The following SH3BP5L variants were observed in gnomAD, a reference collection of about 807,000 sequenced individuals.
The protein encoded by SH3BP5L is SH3 domain-binding protein 5-like.
In SH3BP5L, 16 loss-of-function variants were observed where a neutral mutation model predicts 40.9. The observed-to-expected ratio is 0.39, with a 90% confidence interval of 0.27 to 0.59. The LOEUF (loss-of-function observed/expected upper bound fraction) is 0.59. Ranked by LOEUF, SH3BP5L falls within the 20% of genes least tolerant of loss-of-function variation. The probability of loss-of-function intolerance (pLI) is 0.53; values close to 1 mark genes in which losing one functional copy is unlikely to be tolerated. For missense variants in SH3BP5L, 471 were observed against 544.6 expected (o/e 0.86, Z 1.35); for synonymous variants, 229 against 226.7 (o/e 1.01, Z -0.09).
At position 248,824,973 on chromosome 1, in the gene SH3BP5L, G is replaced by A. The variant is rs762123759; in HGVS notation, c.-38C>T. On this transcript the variant is annotated 5_prime_UTR_variant, in exon 2 of 7. Transcript: ENST00000366472. ...AGGGCAGAGCCCTATGCACAAGAGA[G>A]GACTGACATGCTGGGACCAGGGCCC... 2 of 1,574,420 alleles carry A rather than the reference G, an allele frequency of 1.3e-6. No individual in the cohort carries two copies. Among genetic ancestry groups the A allele is most frequent in the Admixed American group, 3.8e-5 (2 of 53,068 alleles).
rs1016538786 is a variant in SH3BP5L at position 248,821,841 on chromosome 1, C to T, written c.183+2912G>A. On this transcript the variant is annotated intron_variant, in intron 2 of 6. Coordinates refer to ENST00000366472, the MANE Select transcript of SH3BP5L (RefSeq NM_030645.3). The surrounding 1 kb of genome is among the most constrained non-coding windows in gnomAD (Gnocchi z 4.6). ...TTCCTTCTAACTTCCAGAGGAATCCCACCATAAATGGCCATGGAGCTGCCT... is the reference window on the plus strand; with the variant it reads ...TTCCTTCTAACTTCCAGAGGAATCCTACCATAAATGGCCATGGAGCTGCCT... Among the ~76,000 whole-genome samples, 5 of 152,168 alleles carry T rather than the reference C, an allele frequency of 3.3e-5. No homozygotes were observed. Among genetic ancestry groups the T allele is most frequent in the African/African-American group, 1.2e-4 (5 of 41,434 alleles).
intron 5 of SH3BP5L, chr1:248,813,498 C>T: frequency 3.5e-6 from 1 of 283,096 alleles, no homozygotes. Flanking sequence ...GATGCTGGTG[C>T]CCACTCAACC....
At position 248,817,128 on chromosome 1, in the gene SH3BP5L, T is replaced by G. The variant is rs1664131562; in HGVS notation, c.184-244A>C. On this transcript the variant is annotated intron_variant, in intron 2 of 6. Transcript: ENST00000366472. ...TGTATTGGGTAGTAAAACCCCAGTTTCAAGGATGAAGAAATTGAGGTTTGG... is the reference window on the plus strand; with the variant it reads ...TGTATTGGGTAGTAAAACCCCAGTTGCAAGGATGAAGAAATTGAGGTTTGG... The G allele has an allele frequency of 1.0e-5, 13 of 1,306,304 alleles. No individual in the cohort carries two copies. In the Admixed American group the frequency reaches 1.4e-4, roughly 14 times the overall value. 80.9% of individuals were successfully genotyped at this position (1,306,304 alleles called of 1,614,324 possible).
In SH3BP5L at chr1:248,812,353, C is replaced by T. The variant is rs1558225945; in HGVS notation, c.729G>A (p.Val243=). ...GAGCTACCTGCTGCTCCAGTTCTGT[C>T]ACCTTGGCCTTGTGCTCCTGCAGAG... is the stretch of plus-strand genomic sequence containing the variant. ...SQILEEHKAK[V]TELEQQVAQA... is the part of the protein sequence containing the mutation. Residue 243 remains valine (V), a synonymous_variant, in exon 7 of 7, where the codon GTG becomes GTA. Transcript: ENST00000366472. The surrounding 1 kb of genome is among the most constrained non-coding windows in gnomAD (Gnocchi z 6.1). 8 of 1,605,580 alleles carry T rather than the reference C, an allele frequency of 5.0e-6. No homozygotes were observed. Among genetic ancestry groups the T allele is most frequent in the Admixed American group, 3.3e-5 (2 of 60,004 alleles).
At position 248,812,488 on chromosome 1, in the gene SH3BP5L, T is replaced by C. The variant is rs1329534585; in HGVS notation, c.712-118A>G. 1 of 763,310 alleles carries C rather than the reference T, an allele frequency of 1.3e-6. No individual in the cohort carries two copies. Among genetic ancestry groups the C allele is most frequent in the South Asian group, 1.7e-5 (1 of 59,856 alleles). The allele number at this position is 763,310 out of a possible 1,614,324, so 47.3% of individuals were successfully genotyped here. A position where few individuals can be genotyped will look rare whatever the true frequency, so the allele number is the denominator to read the frequency against. Reference sequence around the variant, plus strand: ...GAATACCTGGACAGCTGGCTCAGCATCCACCACAGACCCACAACAGCCTTC... The same window carrying C: ...GAATACCTGGACAGCTGGCTCAGCACCCACCACAGACCCACAACAGCCTTC... On this transcript the variant is annotated intron_variant, in intron 6 of 6. Coordinates refer to ENST00000366472, the MANE Select transcript of SH3BP5L (RefSeq NM_030645.3). The surrounding 1 kb of genome is among the most constrained non-coding windows in gnomAD (Gnocchi z 6.1).
chr1:248,817,179 G>T, intron 2 of SH3BP5L: 1 of 661,938 alleles, frequency 1.5e-6, no homozygotes, highest in Non-Finnish European at 2.5e-6. Flanking sequence ...TATGCACAAC[G>T]TGAAGTTGTG....
Position 248,816,815 on chromosome 1 carries a change from C to T in SH3BP5L, c.246+7G>A, listed in dbSNP as rs1228501889. 2 of 1,614,100 alleles carry T rather than the reference C, an allele frequency of 1.2e-6. No individual in the cohort carries two copies. The highest frequency in any genetic ancestry group is 8.5e-7 in the Non-Finnish European group (1 of 1,179,964). ...CAGCCCAAGCACATAAGGAAAAGGA[C>T]ACTCACATCCAGCTGTAGTTCCACC... is the stretch of plus-strand genomic sequence containing the variant. On this transcript the variant is annotated splice_region_variant and intron_variant, in intron 3 of 6. Coordinates refer to ENST00000366472, the MANE Select transcript of SH3BP5L (RefSeq NM_030645.3).
In SH3BP5L at chr1:248,812,495, C is replaced by T. The variant is rs956797134; in HGVS notation, c.712-125G>A. 7.0e-6 allele frequency: 5 copies of T among 716,002 alleles called. No individual in the cohort carries two copies. In the African/African-American group the frequency reaches 7.1e-5, roughly 10 times the overall value. The allele number at this position is 716,002 out of a possible 1,614,324, so 44.4% of individuals were successfully genotyped here. A position where few individuals can be genotyped will look rare whatever the true frequency, so the allele number is the denominator to read the frequency against. On this transcript the variant is annotated intron_variant, in intron 6 of 6. Coordinates refer to ENST00000366472, the MANE Select transcript of SH3BP5L (RefSeq NM_030645.3). This position sits in a 1 kb window ranked among gnomAD's most constrained non-coding sequence, Gnocchi z 6.1. ...TGGACAGCTGGCTCAGCATCCACCA[C>T]AGACCCACAACAGCCTTCCCTGCTC...
chr1:248,811,660 C>T lies in SH3BP5L; in HGVS notation c.*240G>A, dbSNP rs1407997257. 8.0e-6 allele frequency: 4 copies of T among 499,634 alleles called. No individual in the cohort carries two copies. The Admixed American group carries it at 1.1e-4, about 14-fold the overall frequency. The allele number at this position is 499,634 out of a possible 1,614,324, so 31.0% of individuals were successfully genotyped here. A position where few individuals can be genotyped will look rare whatever the true frequency, so the allele number is the denominator to read the frequency against. ...AGCTGGCAGGCAGAGGCAGACAGAG[C>T]GCCGAGGGCGAGCCTTCTGAATGGG... is the stretch of plus-strand genomic sequence containing the variant. On this transcript the variant is annotated 3_prime_UTR_variant, in exon 7 of 7. Coordinates refer to ENST00000366472, the MANE Select transcript of SH3BP5L (RefSeq NM_030645.3).
Position 248,825,879 on chromosome 1 carries a change from T to A in SH3BP5L, c.-476A>T. 1 of 956,822 alleles carries A rather than the reference T, an allele frequency of 1.0e-6. No homozygotes were observed. Among genetic ancestry groups the A allele is most frequent in the Non-Finnish European group, 1.2e-6 (1 of 822,230 alleles). The allele number at this position is 956,822 out of a possible 1,614,324, so 59.3% of individuals were successfully genotyped here. A position where few individuals can be genotyped will look rare whatever the true frequency, so the allele number is the denominator to read the frequency against. ...CGCGGAGCTTCTATGCTGCAAACAA[T>A]CTCCCCCCCTCCCTCCCCGCAACAA... On this transcript the variant is annotated 5_prime_UTR_variant, in exon 1 of 7. Transcript: ENST00000366472.
intron 2 of SH3BP5L, among the ~76,000 whole-genome samples, chr1:248,819,140 A>G (rs1377524737): frequency 6.6e-6 from 1 of 152,216 alleles, no homozygotes. Context: ...TCAGCAGGTA[A>G]GAATACAGGA....
rs759987863 is a variant in SH3BP5L at position 248,814,733 on chromosome 1, C to T, written c.376-123G>A. On this transcript the variant is annotated intron_variant, in intron 4 of 6. Coordinates refer to ENST00000366472, the MANE Select transcript of SH3BP5L (RefSeq NM_030645.3). Reference sequence around the variant, plus strand: ...TACTAGCAATGTCGGCTTCATTTCCCAAACTGTGCTGAGGATAAATGCCAA... The same window carrying T: ...TACTAGCAATGTCGGCTTCATTTCCTAAACTGTGCTGAGGATAAATGCCAA... The T allele has an allele frequency of 1.4e-5, 13 of 917,482 alleles. No homozygotes were observed. In the Admixed American group the frequency reaches 2.1e-4, roughly 15 times the overall value. The allele number at this position is 917,482 out of a possible 1,614,324, so 56.8% of individuals were successfully genotyped here. A position where few individuals can be genotyped will look rare whatever the true frequency, so the allele number is the denominator to read the frequency against.
Position 248,812,170 on chromosome 1 carries a change from T to C in SH3BP5L, c.912A>G (p.Gly304=), listed in dbSNP as rs1269284462. ...AEAGPEDMED[G]DSGIEGAEGA... ...CCTCGGCCCCCTCAATCCCGCTGTC[T>C]CCGTCCTCCATGTCCTCGGGTCCTG... Residue 304 remains glycine, a synonymous_variant, in exon 7 of 7, where the codon GGA becomes GGG. Transcript: ENST00000366472. This position sits in a 1 kb window ranked among gnomAD's most constrained non-coding sequence, Gnocchi z 6.1. 6.3e-7 allele frequency: 1 copy of C among 1,598,068 alleles called. No homozygotes were observed. The highest frequency in any genetic ancestry group is 1.7e-5 in the Admixed American group (1 of 58,984).
rs1188330033 is a variant in SH3BP5L at position 248,814,614 on chromosome 1, G to T, written c.376-4C>A. Reference sequence around the variant, plus strand: ...CCTTCTGTGTCTCCTGCTGAGCCTGGGGGGAGAGGGATATCAGGATGGGGA... The same window carrying T: ...CCTTCTGTGTCTCCTGCTGAGCCTGTGGGGAGAGGGATATCAGGATGGGGA... On this transcript the variant is annotated splice_region_variant and splice_polypyrimidine_tract_variant and intron_variant, in intron 4 of 6. Transcript: ENST00000366472. 1 of 1,614,046 alleles carries T rather than the reference G, an allele frequency of 6.2e-7. No individual in the cohort carries two copies. Among genetic ancestry groups the T allele is most frequent in the Non-Finnish European group, 8.5e-7 (1 of 1,180,030 alleles).
rs376448763 is a variant in SH3BP5L at position 248,821,301 on chromosome 1, T to G, written c.183+3452A>C. ...GGGGAGGACAAAGTCTGAATCAACG[T>G]GCATCATCCATCAGTGAGCCAGCAG... On this transcript the variant is annotated intron_variant, in intron 2 of 6. Transcript: ENST00000366472. The surrounding 1 kb of genome is among the most constrained non-coding windows in gnomAD (Gnocchi z 4.6). 37 of 152,506 alleles carry G rather than the reference T, an allele frequency of 2.4e-4. No homozygotes were observed. The highest frequency in any genetic ancestry group is 7.9e-4 in the African/African-American group (33 of 41,584). The allele number at this position is 152,506 out of a possible 1,614,324, so 9.4% of individuals were successfully genotyped here.
At chr1:248,820,227 G>C (rs906307999) in intron 2 of SH3BP5L, among the ~76,000 whole-genome samples, 1 of 152,112 alleles carries the variant, frequency 6.6e-6, no homozygotes, top group African/African-American at 2.4e-5. Context: ...TGGAAGAACA[G>C]GCAGCCAACA....
At chr1:248,817,731 T>C (rs546276714) in intron 2 of SH3BP5L, among the ~76,000 whole-genome samples, 1 of 152,254 alleles carries the variant, frequency 6.6e-6, no homozygotes, top group East Asian at 1.9e-4. Flanking sequence ...CGTGCACCTA[T>C]AGTCCCAGCT....
At chr1:248,814,939 A>C in intron 4 of SH3BP5L, 1 of 401,722 alleles carries the variant, frequency 2.5e-6, no homozygotes, top group Non-Finnish European at 4.7e-6. Flanking sequence ...ACATAGACAG[A>C]GTCTTACAGA....
rs750599470 is a variant in SH3BP5L, at chr1:248,824,987, G to A, written c.-52C>T. On this transcript the variant is annotated 5_prime_UTR_variant, in exon 2 of 7. Transcript: ENST00000366472. ...TGCACAAGAGAGGACTGACATGCTG[G>A]GACCAGGGCCCCAGCTTGGGGCTTC... The A allele has an allele frequency of 6.5e-7, 1 of 1,539,776 alleles. No homozygotes were observed. The highest frequency in any genetic ancestry group is 1.2e-5 in the South Asian group (1 of 81,194).
Sources: allele counts gnomAD v4.1 joint callset (sites outside exome capture counted in the v4.1 genomes callset), GRCh38; gene constraint gnomAD v4.1.1; non-coding constraint Gnocchi (gnomAD v3.1); transcripts MANE v1.5; gene names NCBI Gene and HGNC (gene_info 2026-07-23, HGNC 2026-07-21).